The following BCAR1 variants were observed in gnomAD, a reference collection of about 807,000 sequenced individuals.
BCAR1 encodes BCAR1 scaffold protein, Cas family member.
In BCAR1, 30 loss-of-function variants were observed where a neutral mutation model predicts 67.6. That is an observed-to-expected ratio of 0.44 (90% CI 0.33 to 0.60). The LOEUF (loss-of-function observed/expected upper bound fraction) is 0.60, where lower values mean the gene tolerates loss of function less well. Among genes scored for constraint, BCAR1 ranks in the 20% least tolerant of loss-of-function variants. The pLI is 0.02. For synonymous variants in BCAR1, 626 were observed against 556.7 expected (o/e 1.12, Z -1.75); for missense variants, 1,313 against 1,222.3 (o/e 1.07, Z -1.11).
At chr16:75,234,759 G>C (rs959683638) in intron 5 of BCAR1, 130 bp downstream of exon 5, 11 of 1,369,104 alleles carry the variant, frequency 8.0e-6, no homozygotes. Flanking sequence ...TGTGGGGTGA[G>C]GGAGGTCAAA....
At chr16:75,252,897 A>T (rs1177114797), upstream of BCAR1, among the ~76,000 whole-genome samples, 2 of 152,204 alleles carry the variant, frequency 1.3e-5, no homozygotes, top group Non-Finnish European at 2.9e-5. Context: ...TTTGCTGCTC[A>T]GGTGCTCTGG....
At chr16:75,233,363 ATT>A (rs2076968733) in intron 6 of BCAR1, among the ~76,000 whole-genome samples, 2 of 150,952 alleles carry the variant, frequency 1.3e-5, no homozygotes, top group East Asian at 3.9e-4. Flanking sequence ...ACAGAACAAG[ATT>A]CTGTGTCAAA....
rs558331437 is a variant in BCAR1 at position 75,237,215 on chromosome 16, G to C, written c.763C>G (p.Arg255Gly). 7 of 1,567,362 alleles carry C rather than the reference G, an allele frequency of 4.5e-6. No individual in the cohort carries two copies. Among genetic ancestry groups the C allele is most frequent in the South Asian group, 2.3e-5 (2 of 85,534 alleles). The change falls in exon 3 of 7, where the codon CGG becomes GGG. Residue 255 changes from arginine to glycine, a missense_variant. Physicochemically the swap from Arg to Gly is moderately radical, Grantham distance 125. This residue lies in a region of BCAR1 where 1,272 missense variants were observed against 1,137.5 expected (regional missense o/e 1.12). Transcript: ENST00000162330. ...PQDIYDVPPV[R>G]GLLPSQYGQE... The stretch of plus-strand genomic sequence containing the variant: ...CCATACTGGCTGGGAAGCAGCCCCC[G>C]AACCGGGGGCACATCATAGATGTCC...
intron 1 of BCAR1, among the ~76,000 whole-genome samples, chr16:75,251,259 C>T (rs867936168): frequency 9.2e-5 from 14 of 152,126 alleles, no homozygotes; most frequent in South Asian, 4.1e-4. Context: ...CCCGGCCCCG[C>T]CAACGCACCC....
At chr16:75,260,513 A>G (rs977031779) in intron 1 of BCAR1, among the ~76,000 whole-genome samples, 1 of 151,958 alleles carries the variant, frequency 6.6e-6, no homozygotes, top group Non-Finnish European at 1.5e-5. Flanking sequence ...ACATGCCTGT[A>G]ATCCCAGCTA....
rs1253524098 is a variant in BCAR1, at chr16:75,237,206, G to A, written c.772C>T (p.Leu258Phe). 6 of 1,570,388 alleles carry A rather than the reference G, an allele frequency of 3.8e-6. No homozygotes were observed. The East Asian group carries it at 1.2e-4, about 31-fold the overall frequency. ...IYDVPPVRGL[L>F]PSQYGQEVYD... Reference sequence around the variant, plus strand: ...ACCTCCTGGCCATACTGGCTGGGAAGCAGCCCCCGAACCGGGGGCACATCA... The same window carrying A: ...ACCTCCTGGCCATACTGGCTGGGAAACAGCCCCCGAACCGGGGGCACATCA... Residue 258 changes from leucine (L) to phenylalanine (F), a missense_variant, in exon 3 of 7, where the codon CTT becomes TTT. Coordinates refer to ENST00000162330, the MANE Select transcript of BCAR1 (RefSeq NM_014567.5).
rs2077067006 is a variant in BCAR1 at position 75,235,275 on chromosome 16, T to C, written c.1624A>G (p.Ser542Gly). ...TCCTCCATCTTCTGCAGCTGCCGGC[T>C]AAGCTTGGCATGCAGGGCACGGTCA... ...TSDRALHAKLSRQLQKMEDVH... is the reference protein window; with the variant it reads ...TSDRALHAKLGRQLQKMEDVH... The change falls in exon 5 of 7, where the codon AGC becomes GGC. Residue 542 changes from serine to glycine, a missense_variant. This residue lies in a region of BCAR1 where 1,272 missense variants were observed against 1,137.5 expected (regional missense o/e 1.12). Transcript: ENST00000162330. The C allele has an allele frequency of 6.2e-7, 1 of 1,606,188 alleles. No homozygotes were observed. Among genetic ancestry groups the C allele is most frequent in the Non-Finnish European group, 8.5e-7 (1 of 1,174,742 alleles).
chr16:75,264,711 G>A (rs2077967894), intron 1 of BCAR1: 1 of 1,189,686 alleles, frequency 8.4e-7, no homozygotes, highest in East Asian at 3.2e-5. Context: ...CACTCACTCT[G>A]GGATAGTTAA....
intron 2 of BCAR1, chr16:75,238,153 G>A (rs1404411035): frequency 1.6e-6 from 2 of 1,279,554 alleles, no homozygotes; most frequent in Non-Finnish European, 2.0e-6. Context: ...GCAGCACAAT[G>A]GCCTGCCCAG....
rs369558451 is a variant in BCAR1 at position 75,250,946 on chromosome 16, T to A, written c.12+525A>T. The A allele has an allele frequency of 2.6e-5, 26 of 984,846 alleles. No individual in the cohort carries two copies. The South Asian group carries it at 6.1e-4, about 23-fold the overall frequency. 61.0% of individuals were successfully genotyped at this position (984,846 alleles called of 1,614,324 possible). A position where few individuals can be genotyped will look rare whatever the true frequency, so the allele number is the denominator to read the frequency against. ...CCGCGCCGGCGGCCGGAGTGAATCA[T>A]TAACTGGAGCCGGGTGCTCCGGCTG... On this transcript the variant is annotated intron_variant, in intron 1 of 6. Coordinates refer to ENST00000162330, the MANE Select transcript of BCAR1 (RefSeq NM_014567.5).
chr16:75,240,532 C>A (rs973193142), intron 2 of BCAR1, among the ~76,000 whole-genome samples: 1 of 152,196 alleles, frequency 6.6e-6, no homozygotes. Context: ...TGCAAAACTG[C>A]ATGTATAAAT....
At position 75,229,423 on chromosome 16, in the gene BCAR1, AGCCTGTG is replaced by A; in HGVS notation, c.*81_*87del. 1 of 1,438,516 alleles carries A rather than the reference AGCCTGTG, an allele frequency of 7.0e-7. No individual in the cohort carries two copies. The highest frequency in any genetic ancestry group is 1.4e-5 in the African/African-American group (1 of 70,300). 89.1% of individuals were successfully genotyped at this position (1,438,516 alleles called of 1,614,324 possible). ...ACGCAGAGCTGGGGTCCTGTCCCTA[AGCCTGTG>A]GCACAGCGACTCTTGACATGGGAGC... On this transcript the variant is annotated 3_prime_UTR_variant, in exon 7 of 7. Coordinates refer to ENST00000162330, the MANE Select transcript of BCAR1 (RefSeq NM_014567.5).
rs901508596 is a variant in BCAR1, at chr16:75,235,563, C to T, written c.1336G>A (p.Val446Met). The change falls in exon 5 of 7, where the codon GTG (valine) becomes ATG (methionine). Residue 446 changes from valine (V) to methionine (M), a missense_variant. Transcript: ENST00000162330. ...AGGGGTTCCCGGCCCGGCCCTGCCACCTCCAAGGAGGACGCAGACTGGCTG... is the reference window on the plus strand; with the variant it reads ...AGGGGTTCCCGGCCCGGCCCTGCCATCTCCAAGGAGGACGCAGACTGGCTG... ...RSSQSASSLE[V>M]AGPGREPLEL... The T allele has an allele frequency of 2.4e-5, 38 of 1,596,446 alleles. No individual in the cohort carries two copies. The highest frequency in any genetic ancestry group is 3.5e-5 in the Admixed American group (2 of 57,146).
At chr16:75,265,717 G>T in intron 1 of BCAR1, 1 of 1,162,062 alleles carries the variant, frequency 8.6e-7, no homozygotes, top group South Asian at 4.3e-5. Flanking sequence ...CCAGTGAGGC[G>T]ACCCCCAGTC....
Position 75,234,973 on chromosome 16 carries a change from C to T in BCAR1, c.1926G>A (p.Lys642=), listed in dbSNP as rs2077048922. The change falls in exon 5 of 7, where the codon AAG becomes AAA. Residue 642 remains lysine (K), a synonymous_variant. Coordinates refer to ENST00000162330, the MANE Select transcript of BCAR1 (RefSeq NM_014567.5). ...CATCTGGCGAGTCCTGGGAGGTGAA[C>T]TTAGGGGGTGAGGGCAGGGGTCGTG... The part of the protein sequence containing the change: ...IQSRPLPSPP[K]FTSQDSPDGQ... The T allele has an allele frequency of 1.2e-6, 2 of 1,603,502 alleles. No individual in the cohort carries two copies. The highest frequency in any genetic ancestry group is 1.1e-5 in the South Asian group (1 of 90,300).
chr16:75,244,026 T>C (rs905239394), intron 1 of BCAR1, among the ~76,000 whole-genome samples: 22 of 152,136 alleles, frequency 1.4e-4, no homozygotes, highest in African/African-American at 5.1e-4. Context: ...CGGCCCCTCC[T>C]AGGGCAGCAG....
chr16:75,267,688 C>T (rs1377581209), intron 1 of BCAR1, among the ~76,000 whole-genome samples: 2 of 152,072 alleles, frequency 1.3e-5, no homozygotes, highest in Non-Finnish European at 2.9e-5. Context: ...TTCCCATCTC[C>T]CCCATATCTA....
At chr16:75,265,814 G>C in intron 1 of BCAR1, 1 of 1,196,652 alleles carries the variant, frequency 8.4e-7, no homozygotes, top group Non-Finnish European at 1.0e-6. Flanking sequence ...CCCGGGCGGC[G>C]CGGTACTCAC....
At position 75,237,349 on chromosome 16, in the gene BCAR1, G is replaced by C. The variant is rs770950619; in HGVS notation, c.634-5C>G. ...CACGCGGGTGGGCACCACCACCTGGGGGCAGAGAGCCGACTTCACTGCTGC... is the reference window on the plus strand; with the variant it reads ...CACGCGGGTGGGCACCACCACCTGGCGGCAGAGAGCCGACTTCACTGCTGC... On this transcript the variant is annotated splice_polypyrimidine_tract_variant and splice_region_variant and intron_variant, in intron 2 of 6. Coordinates refer to ENST00000162330, the MANE Select transcript of BCAR1 (RefSeq NM_014567.5). 37 of 1,457,252 alleles carry C rather than the reference G, an allele frequency of 2.5e-5. No individual in the cohort carries two copies. The highest frequency in any genetic ancestry group is 5.8e-5 in the Admixed American group (2 of 34,334). 90.3% of individuals were successfully genotyped at this position (1,457,252 alleles called of 1,614,324 possible).
Sources: allele counts gnomAD v4.1 joint callset (sites outside exome capture counted in the v4.1 genomes callset), GRCh38; gene constraint gnomAD v4.1.1; regional missense constraint gnomAD v4.1.1; transcripts MANE v1.5; gene names NCBI Gene and HGNC (gene_info 2026-07-23, HGNC 2026-07-21).